The following GRB10 variants were observed in gnomAD, a reference collection of about 807,000 sequenced individuals.
The protein encoded by GRB10 is growth factor receptor bound protein 10.
In GRB10, 20 loss-of-function variants were observed where a neutral mutation model predicts 80.9. The ratio of observed to expected loss-of-function variants is 0.25; its 90% CI spans 0.17 to 0.36. The LOEUF is 0.36. GRB10 is among the 10% of genes least tolerant of loss of function. The pLI is 1.00. For missense variants in GRB10, 548 were observed against 747.7 expected, an observed-to-expected ratio of 0.73 and a Z score of 3.12; for synonymous variants, 291 against 291.5, an observed-to-expected ratio of 1.00 and a Z score of 0.02.
chr7:50,672,181 G>A (rs990034764), intron 6 of GRB10, among the ~76,000 whole-genome samples: 4 of 152,056 alleles, frequency 2.6e-5, no homozygotes, highest in Non-Finnish European at 4.4e-5. Flanking sequence ...AGCTCCCTTC[G>A]GGTTGCATGG....
At chr7:50,663,266 C>T (rs2059457408) in intron 7 of GRB10, among the ~76,000 whole-genome samples, 1 of 152,166 alleles carries the variant, frequency 6.6e-6, no homozygotes, top group South Asian at 2.1e-4. Flanking sequence ...GGGACCTTCC[C>T]CCACAAGGAG....
Position 50,605,498 on chromosome 7 carries a change from G to C in GRB10, c.1273-92C>G, listed in dbSNP as rs1440389486. The C allele has an allele frequency of 2.8e-6, 3 of 1,064,626 alleles. No individual in the cohort carries two copies. In the African/African-American group the frequency reaches 4.6e-5, roughly 16 times the overall value. The allele number at this position is 1,064,626 out of a possible 1,614,324, so 65.9% of individuals were successfully genotyped here. On this transcript the variant is annotated intron_variant, in intron 14 of 18. Transcript: ENST00000401949. ...ACTATCATCAAGACGGTCAGGAAAG[G>C]GGAGCAGGGAATGCCTGCTTTCTAC...
chr7:50,700,037 G>A (rs984439690), intron 5 of GRB10, among the ~76,000 whole-genome samples: 1 of 152,064 alleles, frequency 6.6e-6, no homozygotes, highest in Non-Finnish European at 1.5e-5. Context: ...TACTCGGGAG[G>A]CTGAGGCAGG....
At chr7:50,669,909 A>G (rs774046836) in intron 6 of GRB10, 46 bp from the exon 7 acceptor site, 3 of 1,571,532 alleles carry the variant, frequency 1.9e-6, no homozygotes, top group African/African-American at 2.7e-5. Context: ...CATTCCCCAC[A>G]TGACCCAGCC....
At chr7:50,677,297 C>T (rs2061058401) in intron 5 of GRB10, among the ~76,000 whole-genome samples, 1 of 152,118 alleles carries the variant, frequency 6.6e-6, no homozygotes, top group African/African-American at 2.4e-5. Flanking sequence ...CACTCAGAGT[C>T]AGCAGGCGAA....
At chr7:50,636,688 T>C (rs914454455) in intron 7 of GRB10, among the ~76,000 whole-genome samples, 1 of 152,040 alleles carries the variant, frequency 6.6e-6, no homozygotes, top group South Asian at 2.1e-4. Context: ...CACCCCTTCA[T>C]GAAAAAAACC....
chr7:50,786,331 A>G (rs2078693537), upstream of GRB10, among the ~76,000 whole-genome samples: 1 of 152,226 alleles, frequency 6.6e-6, no homozygotes, highest in Non-Finnish European at 1.5e-5. Context: ...GATTAATTCA[A>G]AAACATGTCC....
At chr7:50,594,883 T>C (rs2046367995) in intron 18 of GRB10, among the ~76,000 whole-genome samples, 1 of 152,200 alleles carries the variant, frequency 6.6e-6, no homozygotes, top group African/African-American at 2.4e-5. Flanking sequence ...AAGGACCATG[T>C]GGAAGGAGAA....
chr7:50,685,153 C>T lies in GRB10; in HGVS notation c.140-10495G>A, dbSNP rs138371437. ...TAAATTTAAAATCCATTCATTTACCCGATATTTTTCTTCATTCAACAAATA... is the reference window on the plus strand; with the variant it reads ...TAAATTTAAAATCCATTCATTTACCTGATATTTTTCTTCATTCAACAAATA... On this transcript the variant is annotated intron_variant, in intron 5 of 18. Transcript: ENST00000401949. Among the ~76,000 whole-genome samples the T allele has an allele frequency of 8.6e-4, 131 of 152,248 alleles. 1 individual carries two copies. Among genetic ancestry groups the T allele is most frequent in the African/African-American group, 3.0e-3 (124 of 41,546 alleles).
intron 5 of GRB10, among the ~76,000 whole-genome samples, chr7:50,687,916 G>A (rs2062301325): frequency 2.0e-5 from 3 of 152,226 alleles, no homozygotes; most frequent in Admixed American, 6.5e-5. Context: ...ACTCAACAAA[G>A]CCAAATTCAG....
At chr7:50,686,001 T>A (rs1199105133) in intron 5 of GRB10, among the ~76,000 whole-genome samples, 1 of 152,008 alleles carries the variant, frequency 6.6e-6, no homozygotes, top group Non-Finnish European at 1.5e-5. Flanking sequence ...ACTTCTGGGG[T>A]GGGAAAACCA....
In GRB10 at chr7:50,639,330, C is replaced by G. The variant is rs139486588; in HGVS notation, c.505-12352G>C. On this transcript the variant is annotated intron_variant, in intron 7 of 18. Transcript: ENST00000401949. ...TAAAAAGATGTTGTTTTTAAAAATCCTTTTTTCTAAAGGAGATAAAGTTCT... is the reference window on the plus strand; with the variant it reads ...TAAAAAGATGTTGTTTTTAAAAATCGTTTTTTCTAAAGGAGATAAAGTTCT... Among the ~76,000 whole-genome samples, 257 of 152,178 alleles carry G rather than the reference C, an allele frequency of 1.7e-3. 1 individual carries two copies. Among genetic ancestry groups the G allele is most frequent in the African/African-American group, 5.9e-3 (243 of 41,522 alleles).
At chr7:50,784,686 C>T (rs1440515327), upstream of GRB10, among the ~76,000 whole-genome samples, 1 of 152,224 alleles carries the variant, frequency 6.6e-6, no homozygotes, top group African/African-American at 2.4e-5. Context: ...ACAGGACACA[C>T]ATTTTGCTTT....
intron 7 of GRB10, among the ~76,000 whole-genome samples, chr7:50,640,382 G>T (rs1300918590): frequency 6.6e-6 from 1 of 152,194 alleles, no homozygotes; most frequent in Non-Finnish European, 1.5e-5. Context: ...CCCCTTCGAG[G>T]TAATCTTCAG....
intron 4 of GRB10, among the ~76,000 whole-genome samples, chr7:50,730,029 C>G (rs1211590997): frequency 2.0e-5 from 3 of 152,172 alleles, no homozygotes; most frequent in African/African-American, 7.2e-5. Context: ...ATCCCTGCTA[C>G]AACCCAGATA....
At chr7:50,679,912 AT>A (rs1336818554) in intron 5 of GRB10, among the ~76,000 whole-genome samples, 1 of 152,250 alleles carries the variant, frequency 6.6e-6, no homozygotes, top group Non-Finnish European at 1.5e-5. Flanking sequence ...CTTTGTGCAA[AT>A]ATAACTTAAC....
intron 3 of GRB10, among the ~76,000 whole-genome samples, chr7:50,753,112 G>A (rs1459762949): frequency 2.6e-5 from 4 of 152,200 alleles, no homozygotes; most frequent in Non-Finnish European, 5.9e-5. Context: ...CTAGTGCCAT[G>A]GCCCGTCACT....
chr7:50,619,068 C>T (rs910489359), intron 9 of GRB10, 102 bp downstream of exon 9: 2 of 738,980 alleles, frequency 2.7e-6, no homozygotes, highest in Non-Finnish European at 4.9e-6. Flanking sequence ...ATATGCTACA[C>T]CATGCCTCTC....
chr7:50,781,773 A>G (rs2078307210), intron 1 of GRB10, among the ~76,000 whole-genome samples: 1 of 152,244 alleles, frequency 6.6e-6, no homozygotes, highest in Non-Finnish European at 1.5e-5. Context: ...AGGACGTCCT[A>G]CGTGTTCATA....
Sources: gnomAD v4.1 joint callset for allele counts (sites outside exome capture counted in the v4.1 genomes callset) on GRCh38, gnomAD v4.1.1 for gene constraint, MANE v1.5 for transcripts, NCBI Gene and HGNC (gene_info 2026-07-23, HGNC 2026-07-21) for gene names.